Variants in GSK3B observed in about 807,000 individuals in gnomAD.
The protein encoded by GSK3B is glycogen synthase kinase-3 beta.
Under a neutral mutation model 56.4 loss-of-function variants are expected in GSK3B, and 15 were observed. The observed-to-expected ratio is 0.27, with a 90% confidence interval of 0.18 to 0.41. The LOEUF is 0.41. GSK3B is among the 10% of genes least tolerant of loss of function. The pLI, the probability that GSK3B is intolerant of heterozygous loss-of-function variation, is 1.00. For missense variants in GSK3B, 300 were observed against 513.4 expected, an observed-to-expected ratio of 0.58 and a Z score of 4.02; for synonymous variants, 181 against 188.9, an observed-to-expected ratio of 0.96 and a Z score of 0.34.
rs114395791 is a variant in GSK3B, at chr3:119,823,881, G to C, written c.*2907C>G. The C allele has an allele frequency of 1.0e-5, 2 of 198,102 alleles. No individual in the cohort carries two copies. Among genetic ancestry groups the C allele is most frequent in the African/African-American group, 4.6e-5 (2 of 43,172 alleles). The allele number at this position is 198,102 out of a possible 1,614,324, so 12.3% of individuals were successfully genotyped here. A position where few individuals can be genotyped will look rare whatever the true frequency, so the allele number is the denominator to read the frequency against. The stretch of plus-strand genomic sequence containing the variant: ...GAAAGGGGGTGGACAGGGAGACATG[G>C]ATAAAGGAAACCAATTAAAATTTAA... On this transcript the variant is annotated 3_prime_UTR_variant, in exon 11 of 11. Transcript: ENST00000264235.
At chr3:119,874,111 T>G (rs554559819) in intron 8 of GSK3B, among the ~76,000 whole-genome samples, 2 of 152,294 alleles carry the variant, frequency 1.3e-5, no homozygotes, top group South Asian at 4.1e-4. Flanking sequence ...GCATTTTAAT[T>G]ATAATCAACC....
At chr3:119,948,394 G>C (rs146150683) in intron 2 of GSK3B, among the ~76,000 whole-genome samples, 396 of 152,292 alleles carry the variant, frequency 2.6e-3, no homozygotes, top group African/African-American at 8.4e-3. Flanking sequence ...GAGCAGAAGT[G>C]AATGTTCCTT....
chr3:119,922,206 G>T, intron 4 of GSK3B, among the ~76,000 whole-genome samples: 2 of 134,316 alleles, frequency 1.5e-5, no homozygotes, highest in East Asian at 2.1e-4. Flanking sequence ...GGTAGGGAAG[G>T]AGGGAAGGAA....
chr3:119,882,439 A>C (rs1014023903), intron 7 of GSK3B, among the ~76,000 whole-genome samples: 1 of 152,084 alleles, frequency 6.6e-6, no homozygotes, highest in Non-Finnish European at 1.5e-5. Context: ...ACACCAACCC[A>C]CTATATCCAC....
rs1576282820 is a variant in GSK3B at position 120,029,514 on chromosome 3, T to A, written c.89-27275A>T. 4 of 634,616 alleles carry A rather than the reference T, an allele frequency of 6.3e-6. No individual in the cohort carries two copies. The East Asian group carries it at 1.3e-4, about 21-fold the overall frequency. The allele number at this position is 634,616 out of a possible 1,614,324, so 39.3% of individuals were successfully genotyped here. ...TATTTCCAATTGTGTCAGTTATGTG[T>A]GTAAAGTTGCCACAGGAAGATAGGG... On this transcript the variant is annotated intron_variant, in intron 1 of 10. Coordinates refer to ENST00000264235, the MANE Select transcript of GSK3B (RefSeq NM_001146156.2).
chr3:119,969,608 A>C (rs1306021130), intron 2 of GSK3B, among the ~76,000 whole-genome samples: 1 of 152,196 alleles, frequency 6.6e-6, no homozygotes, highest in Admixed American at 6.5e-5. Context: ...AAGCTACAGG[A>C]ATAAAGACAG....
chr3:120,020,288 T>C (rs191007834), intron 1 of GSK3B, among the ~76,000 whole-genome samples: 132 of 152,340 alleles, frequency 8.7e-4, no homozygotes, highest in Middle Eastern at 3.4e-3. Flanking sequence ...ATGCTGTTTA[T>C]AGTTAATATA....
intron 10 of GSK3B, among the ~76,000 whole-genome samples, chr3:119,831,503 A>AAAAC (rs2055598465): frequency 6.6e-6 from 1 of 152,092 alleles, no homozygotes; most frequent in East Asian, 1.9e-4. Flanking sequence ...TAAAAATACC[A>AAAAC]AAAATTAGCT....
intron 10 of GSK3B, among the ~76,000 whole-genome samples, chr3:119,834,157 G>T (rs976116599): frequency 3.3e-5 from 5 of 152,014 alleles, no homozygotes; most frequent in African/African-American, 1.2e-4. Flanking sequence ...AAAATTAACA[G>T]CCTGGGAGAT....
At chr3:120,018,249 G>A (rs6770662) in intron 1 of GSK3B, among the ~76,000 whole-genome samples, 98 of 152,248 alleles carry the variant, frequency 6.4e-4, no homozygotes, top group African/African-American at 2.3e-3. Flanking sequence ...GGTAACCCCT[G>A]AACAATATGG....
At chr3:120,072,335 A>G (rs1223964115) in intron 1 of GSK3B, among the ~76,000 whole-genome samples, 1 of 152,180 alleles carries the variant, frequency 6.6e-6, no homozygotes, top group Admixed American at 6.5e-5. Context: ...AGGCAGGAGG[A>G]TCACTTGAAG....
intron 1 of GSK3B, among the ~76,000 whole-genome samples, chr3:120,009,950 C>T (rs142122961): frequency 1.5e-3 from 232 of 152,280 alleles, no homozygotes; most frequent in Middle Eastern, 3.4e-3. Context: ...GGCCAGCCAT[C>T]TTGAATATTT....
intron 1 of GSK3B, among the ~76,000 whole-genome samples, chr3:120,069,362 T>C (rs2058308139): frequency 6.6e-6 from 1 of 152,146 alleles, no homozygotes; most frequent in African/African-American, 2.4e-5. Flanking sequence ...GAATAAAAAC[T>C]AAAGAAAAAA....
rs1008793752 is a variant in GSK3B at position 120,036,619 on chromosome 3, C to G, written c.89-34380G>C. The stretch of plus-strand genomic sequence containing the variant: ...ACCAGCCGGGCCAACATGGCAAAAC[C>G]CCGTATCTACTAAAAATACAAAAAT... On this transcript the variant is annotated intron_variant, in intron 1 of 10. Coordinates refer to ENST00000264235, the MANE Select transcript of GSK3B (RefSeq NM_001146156.2). Among the ~76,000 whole-genome samples the G allele has an allele frequency of 8.9e-4, 135 of 151,844 alleles. 1 individual carries two copies. The highest frequency in any genetic ancestry group is 1.6e-4 in the Non-Finnish European group (11 of 67,972).
chr3:119,849,396 T>G (rs1273299386), intron 9 of GSK3B, among the ~76,000 whole-genome samples: 2 of 152,144 alleles, frequency 1.3e-5, no homozygotes, highest in Non-Finnish European at 1.5e-5. Flanking sequence ...AATGAAAACA[T>G]CTCAATAACC....
intron 1 of GSK3B, among the ~76,000 whole-genome samples, chr3:120,018,235 T>C (rs1481517836): frequency 3.3e-5 from 5 of 152,164 alleles, no homozygotes; most frequent in African/African-American, 1.2e-4. Context: ...CAAGGTTATA[T>C]ACAGGTAACC....
intron 1 of GSK3B, among the ~76,000 whole-genome samples, chr3:120,004,257 G>A (rs2057705445): frequency 6.6e-6 from 1 of 152,206 alleles, no homozygotes. Context: ...AAACAAAGCA[G>A]CAGGGAAGCT....
At chr3:119,911,575 A>C (rs975985932) in intron 6 of GSK3B, among the ~76,000 whole-genome samples, 9 of 152,156 alleles carry the variant, frequency 5.9e-5, no homozygotes, top group African/African-American at 2.2e-4. Flanking sequence ...TGAAAGTCCT[A>C]AACGGTATCT....
chr3:119,996,076 T>C (rs550795180), intron 2 of GSK3B, among the ~76,000 whole-genome samples: 1 of 152,322 alleles, frequency 6.6e-6, no homozygotes, highest in South Asian at 2.1e-4. Flanking sequence ...GTAGCAAAAA[T>C]CAAATGATTT....
Sources: gnomAD v4.1 joint callset for allele counts (sites outside exome capture counted in the v4.1 genomes callset) on GRCh38, gnomAD v4.1.1 for gene constraint, MANE v1.5 for transcripts, NCBI Gene and HGNC (gene_info 2026-07-23, HGNC 2026-07-21) for gene names.